Variants in NTNG1 observed in about 807,000 individuals in gnomAD.
NTNG1 encodes the protein netrin G1.
A neutral mutation model predicts 54.0 loss-of-function variants in NTNG1; 16 were observed. That is an observed-to-expected ratio of 0.30 (90% CI 0.20 to 0.45). NTNG1 has a LOEUF of 0.45. NTNG1 is among the 20% of genes least tolerant of loss of function. The probability of loss-of-function intolerance (pLI) is 1.00; values close to 1 mark genes in which losing one functional copy is unlikely to be tolerated. For missense variants in NTNG1, 530 were observed against 678.7 expected, an observed-to-expected ratio of 0.78 and a Z score of 2.43; for synonymous variants, 255 against 263.1, an observed-to-expected ratio of 0.97 and a Z score of 0.30.
chr1:107,378,807 G>A (rs1167032687), intron 3 of NTNG1, among the ~76,000 whole-genome samples: 2 of 152,034 alleles, frequency 1.3e-5, no homozygotes, highest in Non-Finnish European at 2.9e-5. Flanking sequence ...CGGGTTGTGG[G>A]GCCAGTCTGC....
intron 2 of NTNG1, among the ~76,000 whole-genome samples, chr1:107,318,082 G>A (rs1667440148): frequency 6.6e-6 from 1 of 152,106 alleles, no homozygotes; most frequent in African/African-American, 2.4e-5. Flanking sequence ...TTTATCCACA[G>A]TTTTAATTCC....
In NTNG1 at chr1:107,482,180, T is replaced by TCTAG. The variant is rs1374058439; in HGVS notation, c.*1340_*1341insCTAG. 6 of 152,096 alleles carry TCTAG rather than the reference T, an allele frequency of 3.9e-5. No homozygotes were observed. The highest frequency in any genetic ancestry group is 1.4e-4 in the African/African-American group (6 of 41,420). The allele number at this position is 152,096 out of a possible 1,614,324, so 9.4% of individuals were successfully genotyped here. A position where few individuals can be genotyped will look rare whatever the true frequency, so the allele number is the denominator to read the frequency against. On this transcript the variant is annotated 3_prime_UTR_variant, in exon 8 of 8. Coordinates refer to ENST00000370068, the MANE Select transcript of NTNG1 (RefSeq NM_001113226.3). ...TATTTTCACAGATTGATGGTGATCA[T>TCTAG]GTGACTCTAGGGATGCTGATCTATG...
chr1:107,371,070 C>T (rs1186008013), intron 3 of NTNG1, among the ~76,000 whole-genome samples: 1 of 152,048 alleles, frequency 6.6e-6, no homozygotes, highest in Non-Finnish European at 1.5e-5. Flanking sequence ...AGAAAGCATT[C>T]TGTCTTTGAC....
intron 7 of NTNG1, among the ~76,000 whole-genome samples, chr1:107,442,865 T>C (rs1217392517): frequency 6.6e-6 from 1 of 152,030 alleles, no homozygotes; most frequent in Non-Finnish European, 1.5e-5. Flanking sequence ...GGCTAACAAG[T>C]AGACATGGTT....
chr1:107,376,186 A>C (rs539638512), intron 3 of NTNG1, among the ~76,000 whole-genome samples: 10 of 151,332 alleles, frequency 6.6e-5, no homozygotes, highest in South Asian at 2.1e-4. Context: ...TTTGGGAGGC[A>C]GAGGTGGGCG....
At chr1:107,242,559 A>G (rs1440086462) in intron 2 of NTNG1, among the ~76,000 whole-genome samples, 1 of 152,194 alleles carries the variant, frequency 6.6e-6, no homozygotes, top group East Asian at 1.9e-4. Flanking sequence ...GTTAGGTAAA[A>G]CAGCAAACCA....
chr1:107,473,865 G>A (rs919052963), intron 7 of NTNG1, among the ~76,000 whole-genome samples: 2 of 152,164 alleles, frequency 1.3e-5, no homozygotes, highest in African/African-American at 4.8e-5. Context: ...TTTTGGCCAC[G>A]TAACTCTGTT....
chr1:107,201,684 T>C (rs927491767), intron 2 of NTNG1, among the ~76,000 whole-genome samples: 4 of 151,912 alleles, frequency 2.6e-5, no homozygotes, highest in African/African-American at 9.7e-5. Flanking sequence ...ACCTCTTAAC[T>C]GGTCTTCCAG....
At chr1:107,400,081 C>A (rs368861989) in intron 4 of NTNG1, among the ~76,000 whole-genome samples, 1 of 152,128 alleles carries the variant, frequency 6.6e-6, no homozygotes, top group Non-Finnish European at 1.5e-5. Flanking sequence ...TAACTTCAAT[C>A]TTTCTAATAA....
chr1:107,478,610 T>C (rs1227825435), intron 7 of NTNG1, among the ~76,000 whole-genome samples: 1 of 152,176 alleles, frequency 6.6e-6, no homozygotes, highest in Admixed American at 6.5e-5. Context: ...CAAGCAATTA[T>C]CGATATTGAT....
At chr1:107,345,446 A>G (rs1054047427) in intron 3 of NTNG1, among the ~76,000 whole-genome samples, 5 of 152,214 alleles carry the variant, frequency 3.3e-5, no homozygotes, top group Admixed American at 2.6e-4. Context: ...GTCACTAGAC[A>G]GGTGTGAGCC....
Position 107,176,425 on chromosome 1 carries a change from T to C in NTNG1, c.246+27586T>C, listed in dbSNP as rs1656654557. ...GGAATAAGTTCGCTGAATTAATCTT[T>C]ATAAATAACTCAGTTGCATTCATCC... On this transcript the variant is annotated intron_variant, in intron 2 of 7. Transcript: ENST00000370068. 2.6e-5 allele frequency among the ~76,000 whole-genome samples: 4 copies of C among 152,356 alleles called. No individual in the cohort carries two copies. In the South Asian group the frequency reaches 8.3e-4, roughly 32 times the overall value.
intron 2 of NTNG1, among the ~76,000 whole-genome samples, chr1:107,277,402 T>C (rs1664550397): frequency 6.6e-6 from 1 of 152,216 alleles, no homozygotes; most frequent in South Asian, 2.1e-4. Context: ...CTCTACAGTC[T>C]TGCATCTAAA....
chr1:107,164,908 G>A (rs1247049706), intron 2 of NTNG1, among the ~76,000 whole-genome samples: 2 of 152,132 alleles, frequency 1.3e-5, no homozygotes, highest in Non-Finnish European at 2.9e-5. Context: ...GAGGGGAAGG[G>A]GTTCTTATTC....
At chr1:107,477,034 T>C (rs1266214347) in intron 7 of NTNG1, among the ~76,000 whole-genome samples, 1 of 152,218 alleles carries the variant, frequency 6.6e-6, no homozygotes, top group East Asian at 1.9e-4. Context: ...ATTCCTGTGT[T>C]AAGTAAGCAG....
At chr1:107,436,839 T>C (rs763081668) in intron 7 of NTNG1, 40 bp downstream of exon 7, 7 of 1,601,920 alleles carry the variant, frequency 4.4e-6, no homozygotes, top group Non-Finnish European at 6.0e-6. Flanking sequence ...TGCTGCAGCA[T>C]GGCTGATTTC....
At chr1:107,419,737 C>G (rs1674462844) in intron 5 of NTNG1, among the ~76,000 whole-genome samples, 1 of 151,430 alleles carries the variant, frequency 6.6e-6, no homozygotes, top group African/African-American at 2.4e-5. Flanking sequence ...AAGGAGGAAC[C>G]AGGAAATAGC....
At chr1:107,455,600 A>C (rs1217391041) in intron 7 of NTNG1, 1 of 495,308 alleles carries the variant, frequency 2.0e-6, no homozygotes, top group Non-Finnish European at 4.1e-6. Flanking sequence ...GGCAACCACA[A>C]AGTGACTCTA....
chr1:107,475,774 G>T (rs1678279650), intron 7 of NTNG1, among the ~76,000 whole-genome samples: 1 of 152,116 alleles, frequency 6.6e-6, no homozygotes. Context: ...ATTCTTTGTT[G>T]TGGGGGGTTG....
Sources: allele counts gnomAD v4.1 joint callset (sites outside exome capture counted in the v4.1 genomes callset), GRCh38; gene constraint gnomAD v4.1.1; transcripts MANE v1.5; gene names NCBI Gene and HGNC (gene_info 2026-07-23, HGNC 2026-07-21).